TTC33: variants seen among roughly 807,000 people sequenced by gnomAD.
TTC33 encodes tetratricopeptide repeat protein 33.
Under a neutral mutation model 29.4 loss-of-function variants are expected in TTC33, and 24 were observed. The observed-to-expected ratio is 0.82, with a 90% CI of 0.59 to 1.15. The LOEUF (loss-of-function observed/expected upper bound fraction) is 1.15, where lower values mean the gene tolerates loss of function less well. Among genes scored for constraint, TTC33 ranks in the 50% most tolerant of loss-of-function variants. The probability of loss-of-function intolerance (pLI) is 0.00; values close to 1 mark genes in which losing one functional copy is unlikely to be tolerated. For missense variants in TTC33, 286 were observed against 310.4 expected (o/e 0.92, Z 0.59); for synonymous variants, 107 against 100.3 (o/e 1.07, Z -0.40).
chr5:40,745,365 T>C (rs766146367), intron 2 of TTC33, among the ~76,000 whole-genome samples: 1 of 152,172 alleles, frequency 6.6e-6, no homozygotes, highest in East Asian at 1.9e-4. Context: ...GGTGTCATAA[T>C]GTCTGAAACT....
intron 2 of TTC33, among the ~76,000 whole-genome samples, chr5:40,741,043 A>G (rs1326499007): frequency 6.6e-6 from 1 of 151,896 alleles, no homozygotes; most frequent in African/African-American, 2.4e-5. Context: ...TCCATCATCT[A>G]TGTTATTTCT....
chr5:40,742,202 T>A (rs1490009085), intron 2 of TTC33, among the ~76,000 whole-genome samples: 6 of 152,152 alleles, frequency 3.9e-5, no homozygotes, highest in Non-Finnish European at 7.4e-5. Flanking sequence ...CCATGCCTAC[T>A]TTTTAAAGTA....
At chr5:40,729,256 C>A (rs1484770196) in intron 3 of TTC33, among the ~76,000 whole-genome samples, 1 of 152,086 alleles carries the variant, frequency 6.6e-6, no homozygotes, top group Admixed American at 6.6e-5. Context: ...TGGGTTTTTC[C>A]TGGATAAACT....
At chr5:40,722,223 T>G (rs1742150799) in intron 4 of TTC33, among the ~76,000 whole-genome samples, 1 of 151,692 alleles carries the variant, frequency 6.6e-6, no homozygotes. Context: ...CACTCAGTGC[T>G]CAATGTTGCC....
intron 4 of TTC33, among the ~76,000 whole-genome samples, chr5:40,722,127 C>T (rs1479452495): frequency 1.3e-5 from 2 of 152,186 alleles, no homozygotes; most frequent in African/African-American, 2.4e-5. Flanking sequence ...ACCGCTTAAA[C>T]CCGGGAGGCG....
At chr5:40,735,595 A>C (rs7722334) in intron 2 of TTC33, among the ~76,000 whole-genome samples, 12 of 152,216 alleles carry the variant, frequency 7.9e-5, no homozygotes, top group African/African-American at 2.7e-4. Flanking sequence ...TGAAGAAAGA[A>C]GAATAAATAC....
chr5:40,749,922 T>C (rs924202260), intron 1 of TTC33, among the ~76,000 whole-genome samples: 2 of 152,006 alleles, frequency 1.3e-5, no homozygotes, highest in African/African-American at 4.8e-5. Context: ...ACCCCGTCTC[T>C]ACTAAAAATA....
chr5:40,750,882 C>A (rs1230995878), intron 1 of TTC33, among the ~76,000 whole-genome samples: 1 of 152,186 alleles, frequency 6.6e-6, no homozygotes, highest in African/African-American at 2.4e-5. Flanking sequence ...CATGAGATTG[C>A]AGGAATTCAG....
intron 3 of TTC33, 93 bp downstream of exon 3, chr5:40,730,168 TG>T: frequency 2.2e-6 from 2 of 907,498 alleles, no homozygotes; most frequent in Non-Finnish European, 3.4e-6. Context: ...TAAAAGAAAA[TG>T]GGAGAAAATG....
intron 1 of TTC33, among the ~76,000 whole-genome samples, chr5:40,751,987 C>A (rs1410102252): frequency 1.3e-5 from 2 of 151,220 alleles, no homozygotes; most frequent in African/African-American, 4.9e-5. Flanking sequence ...AAGAAAATCT[C>A]ATTTAGTGTA....
chr5:40,741,226 C>A (rs1742686873), intron 2 of TTC33, among the ~76,000 whole-genome samples: 1 of 152,140 alleles, frequency 6.6e-6, no homozygotes, highest in African/African-American at 2.4e-5. Context: ...AGTTTGAACC[C>A]TTCAAAAACT....
chr5:40,730,394 G>T, intron 2 of TTC33, 51 bp from the exon 3 acceptor site: 1 of 1,503,678 alleles, frequency 6.7e-7, no homozygotes. Flanking sequence ...TGCTTTTTTG[G>T]ACTTTCAAAA....
rs138161443 is a variant in TTC33, at chr5:40,742,547, G to GC, written c.221+4250dup. On this transcript the variant is annotated intron_variant, in intron 2 of 4. Coordinates refer to ENST00000337702, the MANE Select transcript of TTC33 (RefSeq NM_012382.3). ...AGAAACAAAGCCATCTGGCACTAAT[G>GC]CCAGACCATAATCACTGTATTGTAA... Among the ~76,000 whole-genome samples the GC allele has an allele frequency of 4.2e-3, 635 of 152,250 alleles. 3 individuals are homozygous for GC. Among genetic ancestry groups the GC allele is most frequent in the African/African-American group, 0.015 (609 of 41,522 alleles).
chr5:40,747,249 G>C (rs1742811960), intron 1 of TTC33, among the ~76,000 whole-genome samples: 2 of 151,830 alleles, frequency 1.3e-5, no homozygotes, highest in Non-Finnish European at 1.5e-5. Flanking sequence ...CTAGAGACGG[G>C]GTTTCTCCAT....
rs761117951 is a variant in TTC33 at position 40,716,235 on chromosome 5, A to G, written c.699T>C (p.Ile233=). 14 of 1,614,076 alleles carry G rather than the reference A, an allele frequency of 8.7e-6. No individual in the cohort carries two copies. The highest frequency in any genetic ancestry group is 3.3e-4 in the Middle Eastern group (2 of 6,084). The change falls in exon 5 of 5, where the codon ATT becomes ATC. Residue 233 remains isoleucine (I), a synonymous_variant. Transcript: ENST00000337702. ...TCTCTATGGCCCCAGAAGCAGACAC[A>G]ATAACCATTGTTTTATTTGCTGAAA... ...KTVSANKTMV[I]VSASGAIETV... is the part of the protein sequence containing the mutation.
Position 40,716,403 on chromosome 5 carries a change from C to G in TTC33, c.531G>C (p.Gln177His). 1.2e-6 allele frequency: 2 copies of G among 1,613,970 alleles called. No homozygotes were observed. The highest frequency in any genetic ancestry group is 1.7e-6 in the Non-Finnish European group (2 of 1,180,036). Residue 177 changes from glutamine (Q) to histidine (H), a missense_variant, in exon 5 of 5, where the codon CAG becomes CAC. Coordinates refer to ENST00000337702, the MANE Select transcript of TTC33 (RefSeq NM_012382.3). ...TTTTAATCCTCTGTGCTACCTTCTG[C>G]TGCTCCTGGAGCGTTCTTGCCCAAG... ...DLSWARTLQE[Q>H]QKVAQRIKKS... is the part of the protein sequence containing the mutation.
At position 40,712,448 on chromosome 5, in the gene TTC33, A is replaced by G. The variant is rs984385028; in HGVS notation, c.*3697T>C. 6.6e-6 allele frequency among the ~76,000 whole-genome samples: 1 copy of G among 152,164 alleles called. No individual in the cohort carries two copies. Among genetic ancestry groups the G allele is most frequent in the Non-Finnish European group, 1.5e-5 (1 of 68,016 alleles). On this transcript the variant is annotated 3_prime_UTR_variant, in exon 5 of 5. Transcript: ENST00000337702. ...TGAGACACAGACAGATGGAGATTCA[A>G]TATTTTAAGTTTACTGCTGAAAAAG...
chr5:40,750,580 C>T (rs915406024), intron 1 of TTC33, among the ~76,000 whole-genome samples: 1 of 151,908 alleles, frequency 6.6e-6, no homozygotes, highest in Non-Finnish European at 1.5e-5. Context: ...AAAAAAACAA[C>T]AACAATGAAG....
At chr5:40,747,048 A>C (rs1457993726) in intron 1 of TTC33, 29 bp from the exon 2 acceptor site, 3 of 1,582,338 alleles carry the variant, frequency 1.9e-6, no homozygotes, top group Non-Finnish European at 2.6e-6. Flanking sequence ...ACAGCTTTAA[A>C]ATTCTAACTT....
Sources: allele counts gnomAD v4.1 joint callset (sites outside exome capture counted in the v4.1 genomes callset), GRCh38; gene constraint gnomAD v4.1.1; transcripts MANE v1.5; gene names NCBI Gene and HGNC (gene_info 2026-07-23, HGNC 2026-07-21).